The following PXDNL variants were observed in gnomAD, a reference collection of about 807,000 sequenced individuals.
PXDNL encodes peroxidasin like, also known as probable oxidoreductase PXDNL.
Under a neutral mutation model 150.8 loss-of-function variants are expected in PXDNL, and 145 were observed. That is an observed-to-expected ratio of 0.96 (90% CI 0.84 to 1.10). The LOEUF is 1.10. PXDNL is among the 50% of genes least tolerant of loss of function. PXDNL has a pLI of 0.00. For synonymous variants in PXDNL, 757 were observed against 725.7 expected, an observed-to-expected ratio of 1.04 and a Z score of -0.69; for missense variants, 2,087 against 1,873.9, an observed-to-expected ratio of 1.11 and a Z score of -2.10.
chr8:51,509,704 T>A (rs1811368039), intron 4 of PXDNL, among the ~76,000 whole-genome samples: 1 of 148,372 alleles, frequency 6.7e-6, no homozygotes, highest in African/African-American at 2.5e-5. Context: ...AACCCCTCCC[T>A]CCCCTGGTTC....
chr8:51,409,141 T>G lies in PXDNL; in HGVS notation c.2483A>C (p.Asp828Ala). 3.1e-6 allele frequency: 5 copies of G among 1,603,422 alleles called. No homozygotes were observed. Among genetic ancestry groups the G allele is most frequent in the Non-Finnish European group, 4.2e-6 (5 of 1,178,206 alleles). The change falls in exon 17 of 23, where the codon GAT becomes GCT. Residue 828 changes from aspartate (D) to alanine (A), a missense_variant. Transcript: ENST00000356297. Reference protein sequence around the residue: ...VPALSTARFSDGRPCSSVCTN... With the variant: ...VPALSTARFSAGRPCSSVCTN... Reference sequence around the variant, plus strand: ...GCAGACGGAGCTGCACGGCCGCCCATCCGAGAAGCGGGCTGTGCTCAGCGC... The same window carrying G: ...GCAGACGGAGCTGCACGGCCGCCCAGCCGAGAAGCGGGCTGTGCTCAGCGC...
At chr8:51,780,654 C>CTTTTTTTTTTT (rs71237240) in intron 1 of PXDNL, among the ~76,000 whole-genome samples, 28 of 75,186 alleles carry the variant, frequency 3.7e-4, no homozygotes, top group African/African-American at 5.7e-4. Flanking sequence ...CTTTTCTTTT[C>CTTTTTTTTTTT]TTTTTTTTTT....
chr8:51,551,724 A>G (rs751083838), intron 4 of PXDNL, among the ~76,000 whole-genome samples: 37 of 152,348 alleles, frequency 2.4e-4, no homozygotes, highest in Middle Eastern at 3.4e-3. Context: ...TAAAAATTCT[A>G]GAAGATAACA....
intron 1 of PXDNL, among the ~76,000 whole-genome samples, chr8:51,739,539 T>C (rs778783722): frequency 6.6e-6 from 1 of 152,198 alleles, no homozygotes; most frequent in Non-Finnish European, 1.5e-5. Context: ...ACTAAAAATC[T>C]CCTAGAAATA....
intron 14 of PXDNL, among the ~76,000 whole-genome samples, chr8:51,418,011 A>C (rs1204146205): frequency 6.6e-6 from 1 of 152,162 alleles, no homozygotes; most frequent in African/African-American, 2.4e-5. Flanking sequence ...AAACACTACA[A>C]CACCAAAAAT....
intron 17 of PXDNL, among the ~76,000 whole-genome samples, chr8:51,404,099 C>T (rs530438421): frequency 1.3e-5 from 2 of 152,260 alleles, no homozygotes; most frequent in East Asian, 1.9e-4. Context: ...TTCATGGTCT[C>T]GCTGGCCTCA....
chr8:51,512,941 G>A (rs1046108468), intron 4 of PXDNL, among the ~76,000 whole-genome samples: 1 of 128,862 alleles, frequency 7.8e-6, no homozygotes, highest in African/African-American at 2.8e-5. Flanking sequence ...ACCAACAGGG[G>A]CAAGCAGCCC....
At chr8:51,347,961 T>C (rs1586020911) in intron 19 of PXDNL, among the ~76,000 whole-genome samples, 1 of 152,146 alleles carries the variant, frequency 6.6e-6, no homozygotes, top group Admixed American at 6.5e-5. Context: ...TGAACTTCAA[T>C]CGTAAAATGA....
At chr8:51,620,079 C>A (rs1233862074) in intron 2 of PXDNL, among the ~76,000 whole-genome samples, 1 of 152,108 alleles carries the variant, frequency 6.6e-6, no homozygotes, top group African/African-American at 2.4e-5. Flanking sequence ...AGGCAACACA[C>A]CATTTTGCCC....
At chr8:51,670,679 T>A (rs1815481117) in intron 1 of PXDNL, among the ~76,000 whole-genome samples, 1 of 152,222 alleles carries the variant, frequency 6.6e-6, no homozygotes, top group African/African-American at 2.4e-5. Context: ...TTTAAATTTT[T>A]CATTGCTGAT....
chr8:51,613,357 A>G (rs1814058842), intron 2 of PXDNL, among the ~76,000 whole-genome samples: 1 of 152,024 alleles, frequency 6.6e-6, no homozygotes, highest in South Asian at 2.1e-4. Context: ...GGACTGAGAT[A>G]AGGCCTAAAG....
intron 4 of PXDNL, among the ~76,000 whole-genome samples, chr8:51,556,467 T>C (rs552158023): frequency 6.6e-6 from 1 of 152,298 alleles, no homozygotes; most frequent in African/African-American, 2.4e-5. Flanking sequence ...AAAATGCCTA[T>C]TTTAAGTCAA....
Position 51,409,307 on chromosome 8 carries a change from A to G in PXDNL, c.2317T>C (p.Ser773Pro), listed in dbSNP as rs771643052. 1.2e-4 allele frequency: 173 copies of G among 1,421,078 alleles called. No individual in the cohort carries two copies. The Middle Eastern group carries it at 1.7e-3, about 14-fold the overall frequency. The allele number at this position is 1,421,078 out of a possible 1,614,324, so 88.0% of individuals were successfully genotyped here. ...APRGLGLPVG[S>P]RQPLPPPRLV... ...CGGGGCGGCGGGAGGGGCTGGCGGGAGCCCACAGGAAGGCCGAGCCCGCGG... is the reference window on the plus strand; with the variant it reads ...CGGGGCGGCGGGAGGGGCTGGCGGGGGCCCACAGGAAGGCCGAGCCCGCGG... The change falls in exon 17 of 23, where the codon TCC becomes CCC. Residue 773 changes from serine to proline, a missense_variant. Ser to Pro is a moderately conservative substitution (Grantham distance 74). Transcript: ENST00000356297.
At chr8:51,364,072 G>A (rs759058140) in intron 19 of PXDNL, among the ~76,000 whole-genome samples, 2 of 152,274 alleles carry the variant, frequency 1.3e-5, no homozygotes, top group Non-Finnish European at 2.9e-5. Context: ...TCATTGAAAG[G>A]ACTATCCCCC....
chr8:51,717,457 A>T (rs1003648056), intron 1 of PXDNL, among the ~76,000 whole-genome samples: 7 of 152,232 alleles, frequency 4.6e-5, no homozygotes, highest in African/African-American at 1.7e-4. Context: ...GACCTGGCAG[A>T]TAAAAGGGGA....
At chr8:51,508,642 T>C (rs1313650485) in intron 4 of PXDNL, among the ~76,000 whole-genome samples, 5 of 152,086 alleles carry the variant, frequency 3.3e-5, no homozygotes, top group Admixed American at 2.0e-4. Flanking sequence ...CCAGCCAAAC[T>C]CAACAGCATC....
chr8:51,595,751 T>G (rs1813548931), intron 2 of PXDNL, among the ~76,000 whole-genome samples: 1 of 152,032 alleles, frequency 6.6e-6, no homozygotes, highest in Non-Finnish European at 1.5e-5. Flanking sequence ...TAGCTACCCT[T>G]GATAATCTGT....
At chr8:51,546,282 C>T (rs1812360308) in intron 4 of PXDNL, among the ~76,000 whole-genome samples, 1 of 152,220 alleles carries the variant, frequency 6.6e-6, no homozygotes, top group Non-Finnish European at 1.5e-5. Flanking sequence ...CTTACCTATA[C>T]CTGAAATGGA....
chr8:51,412,952 T>C (rs1261576829), intron 15 of PXDNL, among the ~76,000 whole-genome samples, 198 bp downstream of exon 15: 1 of 152,140 alleles, frequency 6.6e-6, no homozygotes, highest in African/African-American at 2.4e-5. Context: ...TTAATGCCAT[T>C]TAGATTCTAT....
Sources: allele counts gnomAD v4.1 joint callset (sites outside exome capture counted in the v4.1 genomes callset), GRCh38; gene constraint gnomAD v4.1.1; transcripts MANE v1.5; gene names NCBI Gene and HGNC (gene_info 2026-07-23, HGNC 2026-07-21).